OR10J1: variants seen among roughly 807,000 people sequenced by gnomAD.
OR10J1 encodes the protein olfactory receptor 10J1.
For missense variants in OR10J1, 474 were observed against 376.6 expected (o/e 1.26, Z -2.14); for synonymous variants, 202 against 143.8 (o/e 1.40, Z -2.89).
chr1:159,416,226 G>A, the OR10J1 span, among the ~76,000 whole-genome samples: 145 of 152,042 alleles, frequency 9.5e-4, 2 homozygotes, highest in African/African-American at 2.2e-3. Flanking sequence ...CATCAAATAA[G>A]AACGGTGAAA....
At chr1:159,432,328 G>A in the OR10J1 span, 4 of 401,132 alleles carry the variant, frequency 1.0e-5, no homozygotes, top group Admixed American at 4.4e-5. Flanking sequence ...ACCCTTGCCA[G>A]CAATGCTATC....
chr1:159,439,676 C>T (rs1364602989), upstream of OR10J1: 2 of 1,277,462 alleles, frequency 1.6e-6, no homozygotes, highest in Non-Finnish European at 2.2e-6. Flanking sequence ...AAATACATCA[C>T]CAGATTTGTA....
chr1:159,422,503 G>A, the OR10J1 span, among the ~76,000 whole-genome samples: 1 of 152,172 alleles, frequency 6.6e-6, no homozygotes, highest in Admixed American at 6.5e-5. Flanking sequence ...GTGAGATGCA[G>A]GGGTCTCTGC....
At chr1:159,398,889 A>G in the OR10J1 span, among the ~76,000 whole-genome samples, 1 of 152,288 alleles carries the variant, frequency 6.6e-6, no homozygotes, top group South Asian at 2.1e-4. Flanking sequence ...GGATTATAAC[A>G]GAGAACTTCC....
chr1:159,419,433 A>T, the OR10J1 span, among the ~76,000 whole-genome samples: 15 of 152,158 alleles, frequency 9.9e-5, no homozygotes, highest in Non-Finnish European at 1.9e-4. Context: ...TTGCCTGCAC[A>T]AGTTTTCTGT....
At chr1:159,433,532 G>A (rs959135793), upstream of OR10J1, among the ~76,000 whole-genome samples, 1 of 151,996 alleles carries the variant, frequency 6.6e-6, no homozygotes, top group African/African-American at 2.4e-5. Flanking sequence ...TGACACAAAG[G>A]GTACAAAAGG....
chr1:159,403,111 A>G, the OR10J1 span, among the ~76,000 whole-genome samples: 1 of 152,172 alleles, frequency 6.6e-6, no homozygotes, highest in African/African-American at 2.4e-5. Context: ...AAATCAAATC[A>G]AAATGGATTA....
At chr1:159,417,908 C>T in the OR10J1 span, among the ~76,000 whole-genome samples, 15 of 152,124 alleles carry the variant, frequency 9.9e-5, no homozygotes, top group Non-Finnish European at 1.8e-4. Flanking sequence ...AGATGAGAAA[C>T]CTGTTGGGAA....
chr1:159,416,608 G>C, the OR10J1 span, among the ~76,000 whole-genome samples: 6 of 151,836 alleles, frequency 4.0e-5, no homozygotes, highest in African/African-American at 1.4e-4. Flanking sequence ...CAATGAGTTA[G>C]AGAAAATTTT....
At chr1:159,411,619 T>C in the OR10J1 span, among the ~76,000 whole-genome samples, 2 of 152,168 alleles carry the variant, frequency 1.3e-5, no homozygotes, top group Admixed American at 1.3e-4. Flanking sequence ...GCTTCCTGAA[T>C]ACAGCACACT....
chr1:159,430,668 T>TGTGTGC, the OR10J1 span, among the ~76,000 whole-genome samples: 109 of 69,696 alleles, frequency 1.6e-3, 1 homozygote, highest in South Asian at 0.021. Context: ...TGTGTGTGTG[T>TGTGTGC]GCGCGCGCGC....
chr1:159,432,409 T>C, the OR10J1 span: 110 of 404,060 alleles, frequency 2.7e-4, no homozygotes, highest in Non-Finnish European at 4.5e-4. Flanking sequence ...GTGCTGTCTA[T>C]TTCTGAGACC....
At position 159,439,884 on chromosome 1, in the gene OR10J1, C is replaced by T. The variant is rs867477313; in HGVS notation, c.93C>T (p.Phe31=). 1 of 1,614,110 alleles carries T rather than the reference C, an allele frequency of 6.2e-7. No homozygotes were observed. The highest frequency in any genetic ancestry group is 1.1e-5 in the South Asian group (1 of 91,086). Reference sequence around the variant, plus strand: ...AGCAGATCACCCTTTTTGGCGTGTTCCTTGCACTATACATCTTAACCTTAG... The same window carrying T: ...AGCAGATCACCCTTTTTGGCGTGTTTCTTGCACTATACATCTTAACCTTAG... ...HEQQITLFGV[F]LALYILTLAG... is the part of the protein sequence containing the mutation. Residue 31 remains phenylalanine, a synonymous_variant, in exon 1 of 1, where the codon TTC becomes TTT. Coordinates refer to ENST00000423932, the MANE Select transcript of OR10J1 (RefSeq NM_012351.3).
At chr1:159,432,331 A>G in the OR10J1 span, 1 of 401,172 alleles carries the variant, frequency 2.5e-6, no homozygotes, top group Admixed American at 4.4e-5. Context: ...CTTGCCAGCA[A>G]TGCTATCATC....
Position 159,439,800 on chromosome 1 carries a change from A to G in OR10J1, c.9A>G (p.Arg3=), listed in dbSNP as rs756090891. 1 of 1,614,078 alleles carries G rather than the reference A, an allele frequency of 6.2e-7. No individual in the cohort carries two copies. The highest frequency in any genetic ancestry group is 1.1e-5 in the South Asian group (1 of 91,080). The change falls in exon 1 of 1, where the codon AGA becomes AGG. Residue 3 remains arginine, a synonymous_variant. Coordinates refer to ENST00000423932, the MANE Select transcript of OR10J1 (RefSeq NM_012351.3). MK[R]ENFTLITDFV... ...GATTTGGGAACCAATCCATGAAAAG[A>G]GAGAACTTTACTCTCATCACTGACT...
chr1:159,404,972 G>T, the OR10J1 span, among the ~76,000 whole-genome samples: 18 of 152,024 alleles, frequency 1.2e-4, no homozygotes, highest in Non-Finnish European at 4.4e-5. Context: ...GTAATTCCCC[G>T]TTTTTATACC....
chr1:159,400,283 T>C, the OR10J1 span, among the ~76,000 whole-genome samples: 1 of 151,966 alleles, frequency 6.6e-6, no homozygotes, highest in African/African-American at 2.4e-5. Flanking sequence ...ATACATTGAC[T>C]GACTGAACGG....
At chr1:159,423,754 T>C in the OR10J1 span, among the ~76,000 whole-genome samples, 1 of 152,186 alleles carries the variant, frequency 6.6e-6, no homozygotes, top group African/African-American at 2.4e-5. Flanking sequence ...ATTAAAGGAA[T>C]TCTTCCTAGG....
chr1:159,410,439 G>A, the OR10J1 span, among the ~76,000 whole-genome samples: 21 of 152,242 alleles, frequency 1.4e-4, 1 homozygote, highest in South Asian at 4.1e-4. Flanking sequence ...GGGTGTATGC[G>A]TCAAGGAATT....
Sources: gnomAD v4.1 joint callset for allele counts (sites outside exome capture counted in the v4.1 genomes callset) on GRCh38, gnomAD v4.1.1 for gene constraint, MANE v1.5 for transcripts, NCBI Gene and HGNC (gene_info 2026-07-23, HGNC 2026-07-21) for gene names.